EYS: variants seen among roughly 807,000 people sequenced by gnomAD.
EYS encodes the protein protein eyes shut homolog.
Under a neutral mutation model 282.1 loss-of-function variants are expected in EYS, and 250 were observed. That is an observed-to-expected ratio of 0.89 (90% CI 0.80 to 0.98). The LOEUF is 0.98. EYS is among the 50% of genes least tolerant of loss of function. The pLI is 0.00. For missense variants in EYS, 4,016 were observed against 3,709.0 expected, an observed-to-expected ratio of 1.08 and a Z score of -2.15; for synonymous variants, 1,355 against 1,282.9, an observed-to-expected ratio of 1.06 and a Z score of -1.20.
intron 27 of EYS, among the ~76,000 whole-genome samples, chr6:64,436,997 G>A (rs1349582148): frequency 6.6e-6 from 1 of 151,626 alleles, no homozygotes; most frequent in East Asian, 1.9e-4. Context: ...CACTTGCATT[G>A]TGTTTCATAA....
chr6:65,397,783 T>C (rs2150360916), intron 7 of EYS, among the ~76,000 whole-genome samples: 1 of 152,222 alleles, frequency 6.6e-6, no homozygotes, highest in African/African-American at 2.4e-5. Context: ...AGTAGTAGCA[T>C]TGCTGGATAA....
intron 22 of EYS, among the ~76,000 whole-genome samples, chr6:64,665,715 C>G (rs929888612): frequency 6.6e-6 from 1 of 152,166 alleles, no homozygotes; most frequent in Non-Finnish European, 1.5e-5. Context: ...CCAAGACCCC[C>G]TCCCGCTTTT....
chr6:65,016,167 C>G (rs140511072), intron 13 of EYS, among the ~76,000 whole-genome samples: 95 of 151,110 alleles, frequency 6.3e-4, no homozygotes, highest in African/African-American at 2.3e-3. Context: ...AGCTCAAGAC[C>G]CGCTTGGATA....
At chr6:65,235,544 GC>G (rs1766901585) in intron 12 of EYS, among the ~76,000 whole-genome samples, 2 of 152,104 alleles carry the variant, frequency 1.3e-5, no homozygotes, top group South Asian at 4.1e-4. Flanking sequence ...CAAGCTGACA[GC>G]TACAGTAGGA....
intron 23 of EYS, among the ~76,000 whole-genome samples, chr6:64,621,725 T>C (rs1444520461): frequency 1.3e-5 from 2 of 152,220 alleles, no homozygotes; most frequent in African/African-American, 4.8e-5. Flanking sequence ...TGAACAATAC[T>C]ACTTTAAGGG....
At chr6:64,641,004 C>G (rs928591) in intron 22 of EYS, among the ~76,000 whole-genome samples, 89,331 of 151,458 alleles carry the variant, frequency 0.59, 26,483 homozygotes, top group South Asian at 0.68. Flanking sequence ...TTAAATTCTC[C>G]CTAACCAGGT....
chr6:65,483,876 C>G (rs77852302), intron 5 of EYS, among the ~76,000 whole-genome samples: 3,533 of 152,086 alleles, frequency 0.023, 96 homozygotes, highest in African/African-American at 0.062. Flanking sequence ...AGAGCTTGTG[C>G]AGAGGAACTC....
At chr6:63,894,604 T>A (rs1773488768) in intron 35 of EYS, among the ~76,000 whole-genome samples, 1 of 151,564 alleles carries the variant, frequency 6.6e-6, no homozygotes, top group African/African-American at 2.4e-5. Context: ...TTTTTTGAGA[T>A]GGAGTCTCAC....
intron 35 of EYS, among the ~76,000 whole-genome samples, chr6:63,885,426 C>T (rs533487663): frequency 6.6e-6 from 1 of 152,248 alleles, no homozygotes; most frequent in South Asian, 2.1e-4. Flanking sequence ...GTCAATGATA[C>T]TCATGGCCAA....
At chr6:63,888,928 G>A (rs561878493) in intron 35 of EYS, among the ~76,000 whole-genome samples, 2 of 152,292 alleles carry the variant, frequency 1.3e-5, no homozygotes, top group African/African-American at 4.8e-5. Flanking sequence ...AGGGTAACCA[G>A]TTTAGAGAAG....
Position 64,593,022 on chromosome 6 carries a change from GA to G in EYS, c.3877+94del, listed in dbSNP as rs11331907. On this transcript the variant is annotated intron_variant, in intron 25 of 42. Transcript: ENST00000503581. ...ACACCCCTAAAAATCATGTATCTCA[GA>G]AAAAAAAAAGATTTTAATAATGCAG... 575,638 of 830,900 alleles carry G rather than the reference GA, an allele frequency of 0.69. 197,274 individuals are homozygous for G. The highest frequency in any genetic ancestry group is 0.88 in the African/African-American group (47,935 of 54,750). The allele number at this position is 830,900 out of a possible 1,614,324, so 51.5% of individuals were successfully genotyped here.
chr6:64,877,673 A>G, intron 19 of EYS, among the ~76,000 whole-genome samples: 1 of 152,204 alleles, frequency 6.6e-6, no homozygotes, highest in East Asian at 1.9e-4. Flanking sequence ...GAAGAATACC[A>G]TTTTAATCTT....
rs998430317 is a variant in EYS at position 64,990,863 on chromosome 6, C to A, written c.2259+6719G>T. 9.9e-5 allele frequency among the ~76,000 whole-genome samples: 15 copies of A among 151,552 alleles called. No homozygotes were observed. In the Admixed American group the frequency reaches 9.9e-4, roughly 10 times the overall value. On this transcript the variant is annotated intron_variant, in intron 14 of 42. Coordinates refer to ENST00000503581, the MANE Select transcript of EYS (RefSeq NM_001142800.2). ...ATACTTGTTTACTCAGGTGAATCAA[C>A]AAGTCTTTTTCTCAGGTTCTGTTTG...
intron 8 of EYS, among the ~76,000 whole-genome samples, chr6:65,372,110 T>C (rs1765177949): frequency 6.6e-6 from 1 of 151,884 alleles, no homozygotes; most frequent in Non-Finnish European, 1.5e-5. Context: ...TTCTTTGTTC[T>C]CTAATGAAGC....
chr6:65,206,239 C>G lies in EYS; in HGVS notation c.2023+89624G>C, dbSNP rs560597482. Among the ~76,000 whole-genome samples the G allele has an allele frequency of 5.9e-5, 9 of 151,570 alleles. No individual in the cohort carries two copies. In the East Asian group the frequency reaches 1.7e-3, roughly 29 times the overall value. On this transcript the variant is annotated intron_variant, in intron 12 of 42. Transcript: ENST00000503581. ...CATGCCACAGAAATAGAAAAGATCA[C>G]CAAAGATTAGTGTGAACATCAGCTG...
intron 12 of EYS, among the ~76,000 whole-genome samples, chr6:65,061,686 T>A (rs2150159815): frequency 6.6e-6 from 1 of 151,956 alleles, no homozygotes; most frequent in African/African-American, 2.4e-5. Context: ...AAATTAGTTT[T>A]CCTTTTAATT....
intron 30 of EYS, among the ~76,000 whole-genome samples, chr6:64,240,367 G>A (rs912606276): frequency 2.2e-4 from 33 of 152,156 alleles, no homozygotes; most frequent in Non-Finnish European, 3.8e-4. Context: ...TCATGATATT[G>A]CTACTTCCTA....
chr6:64,306,936 C>A, intron 30 of EYS, 34 bp downstream of exon 30: 2 of 972,930 alleles, frequency 2.1e-6, no homozygotes, highest in Non-Finnish European at 3.2e-6. Context: ...GTTATTTGAA[C>A]AAGTTATTAG....
At chr6:65,196,547 C>A (rs183816611) in intron 12 of EYS, among the ~76,000 whole-genome samples, 52 of 152,080 alleles carry the variant, frequency 3.4e-4, no homozygotes, top group African/African-American at 1.2e-3. Context: ...TATCTTGTAC[C>A]AAGCATTATT....
Sources: allele counts gnomAD v4.1 joint callset (sites outside exome capture counted in the v4.1 genomes callset), GRCh38; gene constraint gnomAD v4.1.1; transcripts MANE v1.5; gene names NCBI Gene and HGNC (gene_info 2026-07-23, HGNC 2026-07-21).